FLNA: variants seen among roughly 807,000 people sequenced by gnomAD.
The protein encoded by FLNA is filamin A.
Under a neutral mutation model 157.6 loss-of-function variants are expected in FLNA, and 7 were observed. The observed-to-expected ratio is 0.04, with a 90% CI of 0.03 to 0.08. FLNA has a LOEUF of 0.08. FLNA is among the 10% of genes least tolerant of loss of function. The pLI is 1.00. For synonymous variants in FLNA, 1,103 were observed against 1,060.8 expected (o/e 1.04, Z -0.77); for missense variants, 1,750 against 2,398.4 (o/e 0.73, Z 5.65).
In FLNA at chrX:154,360,186, A is replaced by G; in HGVS notation, c.3609T>C (p.Leu1203=). Residue 1203 remains leucine (L), a synonymous_variant, in exon 22 of 48, where the codon CTT becomes CTC. Transcript: ENST00000369850. The part of the protein sequence containing the change: ...LTIEICSEAG[L]PAEVYIQDHG... ...GGTCCTGGATGTACACCTCGGCCGG[A>G]AGCCCCGCCTCCGAGCAGATCTCAA... 1 of 1,209,927 alleles carries G rather than the reference A, an allele frequency of 8.3e-7. No individual in the cohort carries two copies. Among genetic ancestry groups the G allele is most frequent in the Non-Finnish European group, 1.1e-6 (1 of 894,256 alleles).
intron 1 of FLNA, 28 bp from the exon 2 acceptor site, chrX:154,371,389 C>G: frequency 1.0e-5 from 6 of 585,385 alleles, no homozygotes; most frequent in East Asian, 5.8e-5. Context: ...CCTTTAAATG[C>G]GGGAGGAGGG....
At chrX:154,367,808 C>T in intron 3 of FLNA, 34 bp downstream of exon 3, 2 of 1,210,661 alleles carry the variant, frequency 1.7e-6, no homozygotes, top group South Asian at 3.5e-5. Flanking sequence ...TGGGTGACCC[C>T]AGCCCAGTCT....
chrX:154,354,878 T>C lies in FLNA; in HGVS notation c.5164A>G (p.Ile1722Val). ...YTAPQPGKYV[I>V]CVRFGGEHVP... The stretch of plus-strand genomic sequence containing the variant: ...TGCTCGCCACCAAAGCGCACACAGA[T>C]GACGTATTTGCCCGGCTGGGGGGCC... Residue 1722 changes from isoleucine to valine, a missense_variant, in exon 31 of 48, where the codon ATC becomes GTC. Coordinates refer to ENST00000369850, the MANE Select transcript of FLNA (RefSeq NM_001110556.2). 8.3e-7 allele frequency: 1 copy of C among 1,211,937 alleles called. No individual in the cohort carries two copies. Among genetic ancestry groups the C allele is most frequent in the African/African-American group, 1.7e-5 (1 of 57,981 alleles).
At chrX:154,371,407 A>C in intron 1 of FLNA, 46 bp from the exon 2 acceptor site, 4 of 459,086 alleles carry the variant, frequency 8.7e-6, no homozygotes, top group Non-Finnish European at 1.3e-5. Context: ...GGGCGGGGCC[A>C]GAGGGCGGGC....
chrX:154,353,611 G>A lies in FLNA; in HGVS notation c.5803C>T (p.Leu1935=). 8.3e-7 allele frequency: 1 copy of A among 1,211,640 alleles called. No individual in the cohort carries two copies. The highest frequency in any genetic ancestry group is 2.2e-5 in the Admixed American group (1 of 46,128). The stretch of plus-strand genomic sequence containing the variant: ...ACGTGCTGTTCATTGTACTTGACTA[G>A]AATGCTGTAGTCCCCCGGCAGCACA... ...LPVLPGDYSI[L]VKYNEQHVPG... is the part of the protein sequence containing the mutation. Residue 1935 remains leucine, a synonymous_variant, in exon 36 of 48, where the codon CTA becomes TTA. Transcript: ENST00000369850.
chrX:154,354,092 C>T (rs1557176368), intron 34 of FLNA, 49 bp from the exon 35 acceptor site: 1 of 1,210,732 alleles, frequency 8.3e-7, no homozygotes, highest in Admixed American at 2.2e-5. Context: ...GTGTGTCCCC[C>T]AGCCCCATCT....
intron 2 of FLNA, among the ~76,000 whole-genome samples, chrX:154,369,461 G>C (rs1282929820): frequency 1.8e-5 from 2 of 112,465 alleles, no homozygotes; most frequent in Admixed American, 1.9e-4. Flanking sequence ...GGAAGGACCA[G>C]GGCCCAGGGC....
At chrX:154,368,574 C>T (rs1324171716) in intron 2 of FLNA, among the ~76,000 whole-genome samples, 1 of 111,862 alleles carries the variant, frequency 8.9e-6, no homozygotes, top group African/African-American at 3.3e-5. Flanking sequence ...GGTGGGTGGC[C>T]CTGGGTGGTT....
In FLNA at chrX:154,359,903, C is replaced by T; in HGVS notation, c.3808G>A (p.Val1270Ile). 1 of 1,210,848 alleles carries T rather than the reference C, an allele frequency of 8.3e-7. No individual in the cohort carries two copies. The highest frequency in any genetic ancestry group is 1.1e-6 in the Non-Finnish European group (1 of 895,307). ...CYGPGIEGQG[V>I]FREATTEFSV... ...AACTCAGTGGTGGCCTCACGGAAGA[C>T]ACCTGCAAAGGCACAGAGAGGAGGC... The change falls in exon 23 of 48, where the codon GTC becomes ATC. Residue 1270 changes from valine to isoleucine, a missense_variant and splice_region_variant. Physicochemically the swap from Val to Ile is conservative, Grantham distance 29. This residue lies in a region of FLNA where 970 missense variants were observed against 1,302.6 expected (regional missense o/e 0.74). Transcript: ENST00000369850.
intron 2 of FLNA, among the ~76,000 whole-genome samples, chrX:154,369,482 T>G (rs1386227663): frequency 3.6e-5 from 4 of 112,129 alleles, no homozygotes; most frequent in Admixed American, 1.9e-4. Flanking sequence ...TGGGAGACTG[T>G]CTGGCTGGAT....
chrX:154,369,543 C>T (rs1229938497), intron 2 of FLNA, among the ~76,000 whole-genome samples: 2 of 109,385 alleles, frequency 1.8e-5, no homozygotes, highest in African/African-American at 3.3e-5. Flanking sequence ...CCAGCCAACC[C>T]CTCCCTCCCC....
chrX:154,352,950 C>T (rs781890984), intron 38 of FLNA, 26 bp from the exon 39 acceptor site: 32 of 1,209,750 alleles, frequency 2.6e-5, no homozygotes, highest in African/African-American at 2.6e-4. Flanking sequence ...CCCTGAGCCT[C>T]GGTGCTATGC....
At chrX:154,364,494 C>T (rs370040564) in intron 13 of FLNA, 32 bp downstream of exon 13, 46 of 1,200,583 alleles carry the variant, frequency 3.8e-5, no homozygotes, top group Middle Eastern at 2.3e-4. Context: ...AGCAGCAGGG[C>T]GAGACTTAGG....
At position 154,353,162 on chromosome X, in the gene FLNA, T is replaced by C. The variant is rs1205762631; in HGVS notation, c.6065A>G (p.His2022Arg). 1 of 1,210,038 alleles carries C rather than the reference T, an allele frequency of 8.3e-7. No individual in the cohort carries two copies. Among genetic ancestry groups the C allele is most frequent in the African/African-American group, 1.7e-5 (1 of 57,256 alleles). Residue 2022 changes from histidine to arginine, a missense_variant, in exon 38 of 48, where the codon CAT becomes CGT. By Grantham distance (29) the His-to-Arg change is conservative (BLOSUM62 0). Transcript: ENST00000369850. Reference sequence around the variant, plus strand: ...CACGTGCTGGCCATTTTTCTTCACATGCACCAGGTGCTCCCCCGTCTCCTT... The same window carrying C: ...CACGTGCTGGCCATTTTTCTTCACACGCACCAGGTGCTCCCCCGTCTCCTT... ...VPKETGEHLV[H>R]VKKNGQHVAS...
intron 1 of FLNA, 50 bp downstream of exon 1, chrX:154,374,456 C>T (rs1297799528): frequency 8.9e-6 from 1 of 112,427 alleles, no homozygotes; most frequent in Admixed American, 9.2e-5. Context: ...CCCCGGCCGA[C>T]GAGGAGCGCG....
chrX:154,352,125 C>T (rs2067624579), intron 41 of FLNA, 56 bp downstream of exon 41: 1 of 1,208,709 alleles, frequency 8.3e-7, no homozygotes. Context: ...CCTCCACCCC[C>T]AACCCCACCC....
Position 154,358,495 on chromosome X carries a change from T to G in FLNA, c.4548A>C (p.Glu1516Asp), listed in dbSNP as rs1557177296. The G allele has an allele frequency of 8.3e-7, 1 of 1,210,704 alleles. No individual in the cohort carries two copies. The highest frequency in any genetic ancestry group is 2.2e-5 in the Admixed American group (1 of 46,060). The part of the protein sequence containing the change: ...TQTVNYVPSR[E>D]GPYSISVLYG... ...ACAGTACTGAGATGCTGTAGGGCCC[T>G]TCTCGGCTGGGCACATAATTGACGG... The change falls in exon 27 of 48, where the codon GAA (glutamate) becomes GAC (aspartate). Residue 1516 changes from glutamate (E) to aspartate (D), a missense_variant. By Grantham distance (45) the Glu-to-Asp change is conservative (BLOSUM62 2). This residue lies in a region of FLNA where 970 missense variants were observed against 1,302.6 expected (regional missense o/e 0.74). Coordinates refer to ENST00000369850, the MANE Select transcript of FLNA (RefSeq NM_001110556.2).
chrX:154,367,895 C>T lies in FLNA; in HGVS notation c.569G>A (p.Arg190Gln), dbSNP rs782447567. 6.6e-6 allele frequency: 8 copies of T among 1,209,506 alleles called. No individual in the cohort carries two copies. Among genetic ancestry groups the T allele is most frequent in the Admixed American group, 2.2e-5 (1 of 45,883 alleles). Reference sequence around the variant, plus strand: ...CAGGGCCCGGCCGCTCTGCCAGTCCCGGCTGAAGTTGGTGATGGGCAGCTG... The same window carrying T: ...CAGGGCCCGGCCGCTCTGCCAGTCCTGGCTGAAGTTGGTGATGGGCAGCTG... The part of the protein sequence containing the change: ...LPQLPITNFS[R>Q]DWQSGRALGA... The change falls in exon 3 of 48, where the codon CGG becomes CAG. Residue 190 changes from arginine to glutamine, a missense_variant. Around this residue, in one of 5 missense-constraint regions of FLNA, gnomAD observed 71 missense variants for 239.5 expected, o/e 0.30. Coordinates refer to ENST00000369850, the MANE Select transcript of FLNA (RefSeq NM_001110556.2).
In FLNA at chrX:154,366,394, G is replaced by C; in HGVS notation, c.1142C>G (p.Ala381Gly). 1 of 1,211,988 alleles carries C rather than the reference G, an allele frequency of 8.3e-7. No individual in the cohort carries two copies. Among genetic ancestry groups the C allele is most frequent in the Non-Finnish European group, 1.1e-6 (1 of 895,426 alleles). The change falls in exon 8 of 48, where the codon GCC (alanine) becomes GGC (glycine). Residue 381 changes from alanine (A) to glycine (G), a missense_variant. Transcript: ENST00000369850. ...EVYVDKSQGDASKVTAQGPGL... is the reference protein window; with the variant it reads ...EVYVDKSQGDGSKVTAQGPGL... ...GGGACCTTGGGCTGTCACTTTGCTG[G>C]CGTCACCCTGTGACTTATCCACGTA... is the stretch of plus-strand genomic sequence containing the variant.
Sources: allele counts gnomAD v4.1 joint callset (sites outside exome capture counted in the v4.1 genomes callset), GRCh38; gene constraint gnomAD v4.1.1; regional missense constraint gnomAD v4.1.1; transcripts MANE v1.5; gene names NCBI Gene and HGNC (gene_info 2026-07-23, HGNC 2026-07-21).